Variants in CATSPERE observed in about 807,000 individuals in gnomAD.
The protein encoded by CATSPERE is cation channel sperm-associated auxiliary subunit epsilon.
A neutral mutation model predicts 114.1 loss-of-function variants in CATSPERE; 93 were observed. The observed-to-expected ratio is 0.81, with a 90% CI of 0.69 to 0.97. CATSPERE has a LOEUF of 0.97. CATSPERE is among the 50% of genes least tolerant of loss of function. The pLI, the probability that CATSPERE is intolerant of heterozygous loss-of-function variation, is 0.00. For synonymous variants in CATSPERE, 341 were observed against 384.1 expected (o/e 0.89, Z 1.31); for missense variants, 1,058 against 1,131.6 (o/e 0.93, Z 0.93).
intron 2 of CATSPERE, among the ~76,000 whole-genome samples, chr1:244,474,973 G>T (rs979947209): frequency 6.6e-6 from 1 of 151,622 alleles, no homozygotes; most frequent in Non-Finnish European, 1.5e-5. Flanking sequence ...GAACTCCTGG[G>T]CTTAAGTGAG....
intron 10 of CATSPERE, among the ~76,000 whole-genome samples, chr1:244,563,484 G>A (rs528948088): frequency 1.3e-5 from 2 of 152,342 alleles, no homozygotes; most frequent in Admixed American, 6.5e-5. Flanking sequence ...GTATGTCATT[G>A]TGGTTTTGAT....
chr1:244,515,790 A>G (rs1263660375), intron 7 of CATSPERE, among the ~76,000 whole-genome samples: 1 of 151,856 alleles, frequency 6.6e-6, no homozygotes, highest in Non-Finnish European at 1.5e-5. Flanking sequence ...TGATACAACT[A>G]GAAAAATTAT....
intron 9 of CATSPERE, among the ~76,000 whole-genome samples, chr1:244,556,308 T>C (rs1207453915): frequency 6.9e-6 from 1 of 145,232 alleles, no homozygotes; most frequent in African/African-American, 2.8e-5. Context: ...AAATGAAATA[T>C]GAAAAAAATT....
intron 6 of CATSPERE, among the ~76,000 whole-genome samples, chr1:244,491,142 A>AT (rs1672070132): frequency 6.6e-6 from 1 of 151,950 alleles, no homozygotes; most frequent in African/African-American, 2.4e-5. Context: ...CAGAATATAC[A>AT]TTTTTTTCAG....
intron 6 of CATSPERE, among the ~76,000 whole-genome samples, chr1:244,491,674 C>G (rs1453874204): frequency 6.6e-6 from 1 of 151,744 alleles, no homozygotes; most frequent in Non-Finnish European, 1.5e-5. Context: ...TTGAAAAGAC[C>G]AACAAAATCG....
chr1:244,621,969 T>G (rs1196306198), intron 20 of CATSPERE, among the ~76,000 whole-genome samples: 1 of 152,192 alleles, frequency 6.6e-6, no homozygotes, highest in African/African-American at 2.4e-5. Context: ...CACAGTGTCA[T>G]TAACCGTAAA....
intron 8 of CATSPERE, among the ~76,000 whole-genome samples, chr1:244,539,927 T>C (rs1658341954): frequency 1.4e-5 from 1 of 69,506 alleles, no homozygotes; most frequent in South Asian, 7.8e-4. Context: ...AAAACCAGCT[T>C]CTGGATTCAT....
intron 10 of CATSPERE, among the ~76,000 whole-genome samples, chr1:244,565,855 A>G (rs1367744109): frequency 6.6e-6 from 1 of 151,980 alleles, no homozygotes; most frequent in Non-Finnish European, 1.5e-5. Context: ...CTCCAATCTT[A>G]GCTATTTCTT....
At chr1:244,572,818 A>T in intron 11 of CATSPERE, 46 bp downstream of exon 11, 1 of 1,259,058 alleles carries the variant, frequency 7.9e-7, no homozygotes, top group Non-Finnish European at 1.1e-6. Context: ...AATAAGTATA[A>T]AAGTATAATA....
chr1:244,514,419 A>G (rs1264383049), intron 7 of CATSPERE, among the ~76,000 whole-genome samples: 1 of 152,222 alleles, frequency 6.6e-6, no homozygotes, highest in Non-Finnish European at 1.5e-5. Flanking sequence ...CTTAAGTGGT[A>G]ACATGACAGA....
chr1:244,549,330 C>T (rs1660237316), intron 8 of CATSPERE, among the ~76,000 whole-genome samples: 1 of 152,150 alleles, frequency 6.6e-6, no homozygotes. Flanking sequence ...AAATACCAGC[C>T]TATAACCACA....
At chr1:244,466,145 T>A (rs1037419332) in intron 2 of CATSPERE, among the ~76,000 whole-genome samples, 1 of 152,256 alleles carries the variant, frequency 6.6e-6, no homozygotes, top group Admixed American at 6.5e-5. Flanking sequence ...ATATTCACTT[T>A]TATTGTATCA....
chr1:244,482,657 A>T (rs1224305199), intron 5 of CATSPERE, among the ~76,000 whole-genome samples: 1 of 152,174 alleles, frequency 6.6e-6, no homozygotes, highest in African/African-American at 2.4e-5. Context: ...GAAAGAGTAC[A>T]TAAAGAATAA....
intron 7 of CATSPERE, among the ~76,000 whole-genome samples, chr1:244,513,735 A>G (rs1676137135): frequency 6.6e-6 from 1 of 151,812 alleles, no homozygotes; most frequent in Non-Finnish European, 1.5e-5. Flanking sequence ...AGGCCCTCAG[A>G]TGGTGTGCAT....
intron 2 of CATSPERE, among the ~76,000 whole-genome samples, chr1:244,466,945 C>T (rs1667696107): frequency 6.6e-6 from 1 of 152,166 alleles, no homozygotes; most frequent in Non-Finnish European, 1.5e-5. Flanking sequence ...TTACAAGTTC[C>T]AGTCCACATC....
intron 8 of CATSPERE, among the ~76,000 whole-genome samples, chr1:244,541,390 A>G (rs71537356): frequency 0.99 from 146,901 of 148,024 alleles, 72,903 homozygotes; most frequent in Middle Eastern, 1. Flanking sequence ...TATGCAGCCA[A>G]AAAACACATG....
chr1:244,595,981 G>A (rs191286645), intron 17 of CATSPERE, among the ~76,000 whole-genome samples: 1 of 152,284 alleles, frequency 6.6e-6, no homozygotes, highest in Non-Finnish European at 1.5e-5. Context: ...CTGGGAGAGG[G>A]GTAGAGGATG....
At chr1:244,528,867 T>A (rs1333445292) in intron 8 of CATSPERE, among the ~76,000 whole-genome samples, 1 of 151,430 alleles carries the variant, frequency 6.6e-6, no homozygotes, top group Non-Finnish European at 1.5e-5. Flanking sequence ...TTCTACTCTC[T>A]ATGTCCAAGA....
At chr1:244,521,483 T>C (rs576880266) in intron 8 of CATSPERE, among the ~76,000 whole-genome samples, 2 of 152,316 alleles carry the variant, frequency 1.3e-5, no homozygotes, top group African/African-American at 2.4e-5. Context: ...ATTACATTAA[T>C]AGCTTAAAGG....
Sources: gnomAD v4.1 joint callset for allele counts (sites outside exome capture counted in the v4.1 genomes callset) on GRCh38, gnomAD v4.1.1 for gene constraint, MANE v1.5 for transcripts, NCBI Gene and HGNC (gene_info 2026-07-23, HGNC 2026-07-21) for gene names.